The following EML1 variants were observed in gnomAD, a reference collection of about 807,000 sequenced individuals.
The protein encoded by EML1 is echinoderm microtubule-associated protein-like 1.
EML1 carries 27 observed loss-of-function variants against 110.4 expected under a neutral mutation model. The observed-to-expected ratio is 0.24, with a 90% CI of 0.18 to 0.34. EML1 has a LOEUF of 0.34. Among genes scored for constraint, EML1 ranks in the 10% least tolerant of loss-of-function variants. The pLI is 1.00. For missense variants in EML1, 741 were observed against 1,030.9 expected, an observed-to-expected ratio of 0.72 and a Z score of 3.85; for synonymous variants, 344 against 385.8, an observed-to-expected ratio of 0.89 and a Z score of 1.27.
At position 99,787,232 on chromosome 14, in the gene EML1, G is replaced by A. The variant is rs141983673; in HGVS notation, c.-27+13219G>A. ...TTTAATATGAGTAGTGAATGGTGCT[G>A]CATCTGTGGAATAGTCAATTCTTGA... is the stretch of plus-strand genomic sequence containing the variant. On this transcript the variant is annotated intron_variant, in intron 1 of 22. Transcript: ENST00000327921. 1.2e-3 allele frequency among the ~76,000 whole-genome samples: 185 copies of A among 148,656 alleles called. 1 individual carries two copies. Among genetic ancestry groups the A allele is most frequent in the Non-Finnish European group, 2.5e-4 (17 of 67,544 alleles).
At chr14:99,818,990 G>C (rs777956748) in intron 1 of EML1, among the ~76,000 whole-genome samples, 2 of 152,160 alleles carry the variant, frequency 1.3e-5, no homozygotes, top group East Asian at 3.9e-4. Flanking sequence ...GTCTCGCTCT[G>C]TCACCCACGC....
At chr14:99,752,270 A>C (rs552104193) in intron 1 of EML1, among the ~76,000 whole-genome samples, 3 of 152,220 alleles carry the variant, frequency 2.0e-5, no homozygotes, top group African/African-American at 7.2e-5. Flanking sequence ...CCTTGTCCCT[A>C]GATTCCCCCA....
intron 1 of EML1, among the ~76,000 whole-genome samples, chr14:99,763,055 T>C (rs1420779212): frequency 6.6e-6 from 1 of 152,126 alleles, no homozygotes; most frequent in Non-Finnish European, 1.5e-5. Flanking sequence ...CATGCTGTTC[T>C]CATCATAGTA....
chr14:99,914,441 G>C (rs1199817575), intron 14 of EML1, 125 bp from the exon 15 acceptor site: 3 of 1,528,308 alleles, frequency 2.0e-6, no homozygotes, highest in Non-Finnish European at 2.6e-6. Flanking sequence ...CTGAAAGATG[G>C]GAGGAGAGAA....
intron 1 of EML1, chr14:99,838,917 G>GCGCGCT (rs746012247): frequency 8.6e-6 from 1 of 116,834 alleles, no homozygotes; most frequent in African/African-American, 3.7e-5. Context: ...GCGCGCGCGC[G>GCGCGCT]CGTGTGTGTG....
intron 1 of EML1, among the ~76,000 whole-genome samples, chr14:99,833,215 G>C (rs1416501181): frequency 6.6e-6 from 1 of 152,198 alleles, no homozygotes; most frequent in Non-Finnish European, 1.5e-5. Context: ...GTTCTTTTGT[G>C]TGTGTGGGTA....
intron 1 of EML1, among the ~76,000 whole-genome samples, chr14:99,800,764 G>A (rs1476675314): frequency 6.6e-6 from 1 of 152,166 alleles, no homozygotes; most frequent in East Asian, 1.9e-4. Flanking sequence ...TTTTTGCAGA[G>A]TACTCTCAGT....
chr14:99,921,670 C>T (rs985218228), intron 17 of EML1, among the ~76,000 whole-genome samples: 3 of 152,138 alleles, frequency 2.0e-5, no homozygotes, highest in African/African-American at 7.2e-5. Context: ...TGAAGCAGTT[C>T]CCAGACATCT....
intron 2 of EML1, among the ~76,000 whole-genome samples, chr14:99,854,537 A>G (rs1344123296): frequency 6.6e-6 from 1 of 152,110 alleles, no homozygotes. Context: ...CCAGTTACCC[A>G]GGTCTTCTTT....
rs554433616 is a variant in EML1 at position 99,860,069 on chromosome 14, G to C, written c.251-5445G>C. 2.0e-5 allele frequency among the ~76,000 whole-genome samples: 3 copies of C among 152,226 alleles called. No homozygotes were observed. The South Asian group carries it at 6.2e-4, about 32-fold the overall frequency. On this transcript the variant is annotated intron_variant, in intron 2 of 21. Transcript: ENST00000262233. ...TGTCTTCCAGCTCAGCTGAGGATGA[G>C]TCCAGTCCTGTCTGCCTTGAGGACC...
At position 99,784,298 on chromosome 14, in the gene EML1, G is replaced by T. The variant is rs1247022430; in HGVS notation, c.-27+10285G>T. ...TATAGAAACAAGGTTTCACCATGTTGCCCAGGCTGGTCTCAAACTCCTGGA... is the reference window on the plus strand; with the variant it reads ...TATAGAAACAAGGTTTCACCATGTTTCCCAGGCTGGTCTCAAACTCCTGGA... On this transcript the variant is annotated intron_variant, in intron 1 of 22. Transcript: ENST00000327921. The surrounding 1 kb of genome is among the most constrained non-coding windows in gnomAD (Gnocchi z 4.5). 6.6e-6 allele frequency among the ~76,000 whole-genome samples: 1 copy of T among 152,102 alleles called. No homozygotes were observed. The highest frequency in any genetic ancestry group is 2.4e-5 in the African/African-American group (1 of 41,424).
intron 1 of EML1, among the ~76,000 whole-genome samples, chr14:99,811,153 A>T (rs2058071426): frequency 6.6e-6 from 1 of 151,506 alleles, no homozygotes; most frequent in African/African-American, 2.4e-5. Context: ...TTAAAAATTC[A>T]TGTATAATAG....
intron 1 of EML1, among the ~76,000 whole-genome samples, chr14:99,758,979 TGCACATGACTTGCTTCAC>T (rs1229788848): frequency 6.6e-6 from 1 of 152,244 alleles, no homozygotes; most frequent in Non-Finnish European, 1.5e-5. Context: ...AGAGTGGGCC[TGCACATGACTTGCTTCAC>T]GCCCATAGAT....
chr14:99,871,381 C>T (rs1239077130), intron 3 of EML1, among the ~76,000 whole-genome samples: 1 of 152,118 alleles, frequency 6.6e-6, no homozygotes, highest in African/African-American at 2.4e-5. Context: ...AGCACAGTGG[C>T]TCACACCTGT....
intron 6 of EML1, among the ~76,000 whole-genome samples, chr14:99,896,740 ATT>A (rs59854121): frequency 1.4e-5 from 2 of 147,484 alleles, no homozygotes; most frequent in South Asian, 4.3e-4. Flanking sequence ...GAGGGGCCTG[ATT>A]TTTTTTTTTT....
Position 99,856,148 on chromosome 14 carries a change from G to A in EML1, c.250+5113G>A, listed in dbSNP as rs186312824. Among the ~76,000 whole-genome samples the A allele has an allele frequency of 3.3e-5, 5 of 152,318 alleles. No homozygotes were observed. In the East Asian group the frequency reaches 7.7e-4, roughly 24 times the overall value. Reference sequence around the variant, plus strand: ...GAATGAAACCTCTGGGAGGTTTAGTGATTTGCCCAGGCTACACAAGGGCTA... The same window carrying A: ...GAATGAAACCTCTGGGAGGTTTAGTAATTTGCCCAGGCTACACAAGGGCTA... On this transcript the variant is annotated intron_variant, in intron 2 of 21. Coordinates refer to ENST00000262233, the MANE Select transcript of EML1 (RefSeq NM_004434.3).
chr14:99,860,760 A>T (rs1379487007), intron 2 of EML1, among the ~76,000 whole-genome samples: 1 of 152,110 alleles, frequency 6.6e-6, no homozygotes, highest in Non-Finnish European at 1.5e-5. Context: ...GATCTATCCA[A>T]CTTCTCAGTC....
At chr14:99,907,588 AC>A (rs757621735) in intron 9 of EML1, 49 bp from the exon 10 acceptor site, 3 of 1,520,390 alleles carry the variant, frequency 2.0e-6, no homozygotes. Flanking sequence ...ATCATGTTCA[AC>A]CCACTTTATT....
intron 1 of EML1, among the ~76,000 whole-genome samples, chr14:99,849,626 C>A (rs1478704117): frequency 1.3e-5 from 2 of 151,732 alleles, no homozygotes; most frequent in African/African-American, 4.8e-5. Flanking sequence ...TGGCTCACTG[C>A]AACTTCTGCC....
Sources: allele counts gnomAD v4.1 joint callset (sites outside exome capture counted in the v4.1 genomes callset), GRCh38; gene constraint gnomAD v4.1.1; non-coding constraint Gnocchi (gnomAD v3.1); transcripts MANE v1.5; gene names NCBI Gene and HGNC (gene_info 2026-07-23, HGNC 2026-07-21).